The following NAV2 variants were observed in gnomAD, a reference collection of about 807,000 sequenced individuals.
NAV2 encodes neuron navigator 2, also known as helicase, APC down-regulated 1.
NAV2 carries 54 observed loss-of-function variants against 223.2 expected under a neutral mutation model. The ratio of observed to expected loss-of-function variants is 0.24; its 90% CI spans 0.19 to 0.30. The LOEUF is 0.30. NAV2 is among the 10% of genes least tolerant of loss of function. NAV2 has a pLI of 1.00. For missense variants in NAV2, 2,806 were observed against 3,147.5 expected (o/e 0.89, Z 2.60); for synonymous variants, 1,279 against 1,239.3 (o/e 1.03, Z -0.67).
chr11:19,587,893 C>T (rs905968773), intron 1 of NAV2, among the ~76,000 whole-genome samples: 1 of 152,184 alleles, frequency 6.6e-6, no homozygotes, highest in African/African-American at 2.4e-5. Flanking sequence ...CTTCTCCACC[C>T]AATGATTCAG....
rs148387420 is a variant in NAV2, at chr11:19,484,412, G to A, written c.75+133385G>A. On this transcript the variant is annotated intron_variant, in intron 1 of 37. Transcript: ENST00000360655. ...GCTGTTAGAAAGCATCTCTTCTTAG[G>A]AATCATATATTCCCTGGAAAACAGT... Among the ~76,000 whole-genome samples the A allele has an allele frequency of 8.7e-4, 133 of 152,248 alleles. 3 individuals carry two copies. The East Asian group carries it at 0.024, about 27-fold the overall frequency.
chr11:19,415,340 T>A (rs113412802), intron 1 of NAV2, among the ~76,000 whole-genome samples: 4,076 of 152,040 alleles, frequency 0.027, 192 homozygotes, highest in African/African-American at 0.092. Flanking sequence ...AACTGGAAAA[T>A]CTAGAAGAAA....
chr11:19,602,248 G>A (rs1384584027), intron 1 of NAV2, among the ~76,000 whole-genome samples: 4 of 145,914 alleles, frequency 2.7e-5, no homozygotes, highest in African/African-American at 5.2e-5. Context: ...CGTGACCTCA[G>A]CTCACCACAA....
upstream of NAV2, among the ~76,000 whole-genome samples, chr11:19,709,173 G>A (rs373115037): frequency 1.6e-5 from 2 of 123,556 alleles, no homozygotes; most frequent in Non-Finnish European, 3.6e-5. Context: ...GCTTCCCCCC[G>A]CCCCACCCTT....
chr11:20,054,712 T>G (rs1374902274), intron 18 of NAV2, among the ~76,000 whole-genome samples: 2 of 152,224 alleles, frequency 1.3e-5, no homozygotes, highest in South Asian at 2.1e-4. Context: ...AAATAAAAGT[T>G]AAGTTTTGAT....
intron 1 of NAV2, among the ~76,000 whole-genome samples, chr11:19,542,939 T>C (rs1349608532): frequency 2.0e-5 from 3 of 152,218 alleles, no homozygotes; most frequent in Non-Finnish European, 4.4e-5. Flanking sequence ...GCAGGTTCCC[T>C]GATCAGGGAT....
chr11:19,435,065 C>T (rs1180906688), intron 1 of NAV2, among the ~76,000 whole-genome samples: 1 of 152,112 alleles, frequency 6.6e-6, no homozygotes, highest in Non-Finnish European at 1.5e-5. Flanking sequence ...GCATATTCGT[C>T]ACCTCAAATA....
intron 16 of NAV2, 74 bp from the exon 17 acceptor site, chr11:20,051,215 C>T: frequency 7.6e-7 from 1 of 1,318,200 alleles, no homozygotes; most frequent in Non-Finnish European, 1.1e-6. Flanking sequence ...CTTCAGTCCC[C>T]TCCCTAGCTT....
At chr11:19,400,802 T>C (rs1849652560) in intron 1 of NAV2, among the ~76,000 whole-genome samples, 1 of 152,216 alleles carries the variant, frequency 6.6e-6, no homozygotes, top group Non-Finnish European at 1.5e-5. Context: ...ATCATCTTGA[T>C]GGAAAATGGC....
At chr11:19,850,189 T>G (rs2061036731) in intron 3 of NAV2, among the ~76,000 whole-genome samples, 1 of 152,238 alleles carries the variant, frequency 6.6e-6, no homozygotes, top group South Asian at 2.1e-4. Context: ...TGCCCCTTCC[T>G]GGGCAGTGTG....
chr11:19,556,363 G>A (rs183896267), intron 1 of NAV2, among the ~76,000 whole-genome samples: 4 of 152,300 alleles, frequency 2.6e-5, no homozygotes, highest in African/African-American at 4.8e-5. Flanking sequence ...AGCAACACAG[G>A]CTACAAAATT....
chr11:19,385,478 A>G (rs1590096054), intron 1 of NAV2, among the ~76,000 whole-genome samples: 1 of 152,352 alleles, frequency 6.6e-6, no homozygotes, highest in South Asian at 2.1e-4. Flanking sequence ...ATCCTCAGAT[A>G]TATGTATTAT....
At chr11:20,018,131 A>T (rs1057498093) in intron 11 of NAV2, among the ~76,000 whole-genome samples, 5 of 152,150 alleles carry the variant, frequency 3.3e-5, no homozygotes, top group African/African-American at 1.2e-4. Context: ...AGGCAGGCGG[A>T]TCACTTGAGA....
intron 1 of NAV2, among the ~76,000 whole-genome samples, chr11:19,577,348 A>G (rs776605564): frequency 1.3e-5 from 2 of 152,190 alleles, no homozygotes; most frequent in Non-Finnish European, 2.9e-5. Flanking sequence ...TGGCGAAGGA[A>G]CCTGTTGGCT....
chr11:19,996,732 C>T (rs923411831), intron 11 of NAV2, among the ~76,000 whole-genome samples: 1 of 152,170 alleles, frequency 6.6e-6, no homozygotes, highest in African/African-American at 2.4e-5. Context: ...TTGTGTGTTT[C>T]AGCTGCAGTC....
intron 1 of NAV2, among the ~76,000 whole-genome samples, chr11:19,601,444 T>C (rs991713490): frequency 6.6e-6 from 1 of 152,144 alleles, no homozygotes; most frequent in Non-Finnish European, 1.5e-5. Context: ...TGGATGGTGC[T>C]CTTGGGTATG....
At chr11:20,046,118 G>GA (rs2057396817) in intron 14 of NAV2, among the ~76,000 whole-genome samples, 1 of 152,116 alleles carries the variant, frequency 6.6e-6, no homozygotes, top group Non-Finnish European at 1.5e-5. Context: ...GGCAGATCAC[G>GA]AGGTCAGGAG....
At chr11:19,731,668 C>G (rs545331624) in intron 1 of NAV2, among the ~76,000 whole-genome samples, 38 of 152,320 alleles carry the variant, frequency 2.5e-4, no homozygotes, top group African/African-American at 7.9e-4. Flanking sequence ...GAGATGAAAT[C>G]CTGGGCCACG....
intron 26 of NAV2, among the ~76,000 whole-genome samples, chr11:20,090,604 C>A (rs1453843601): frequency 1.3e-5 from 2 of 152,032 alleles, no homozygotes; most frequent in African/African-American, 4.8e-5. Context: ...AGAAAAGTAA[C>A]AATACAGTAA....
Sources: gnomAD v4.1 joint callset for allele counts (sites outside exome capture counted in the v4.1 genomes callset) on GRCh38, gnomAD v4.1.1 for gene constraint, MANE v1.5 for transcripts, NCBI Gene and HGNC (gene_info 2026-07-23, HGNC 2026-07-21) for gene names.